Variants in BRSK2 observed in about 807,000 individuals in gnomAD.
The protein encoded by BRSK2 is BR serine/threonine kinase 2, also known as serine/threonine-protein kinase BRSK2.
Under a neutral mutation model 83.3 loss-of-function variants are expected in BRSK2, and 19 were observed. The ratio of observed to expected loss-of-function variants is 0.23; its 90% confidence interval spans 0.16 to 0.33. The LOEUF (loss-of-function observed/expected upper bound fraction) is 0.33. BRSK2 is among the 10% of genes least tolerant of loss of function. The pLI, the probability that BRSK2 is intolerant of heterozygous loss-of-function variation, is 1.00. For synonymous variants in BRSK2, 519 were observed against 435.4 expected (o/e 1.19, Z -2.39); for missense variants, 798 against 1,042.3 (o/e 0.77, Z 3.23).
At chr11:1,422,168 C>T (rs7114346) in intron 1 of BRSK2, among the ~76,000 whole-genome samples, 30,378 of 152,102 alleles carry the variant, frequency 0.2, 3,326 homozygotes, top group Non-Finnish European at 0.25. Context: ...GAGCCCCTCA[C>T]GGGAGCATGC....
At position 1,460,618 on chromosome 11, in the gene BRSK2, T is replaced by C. The variant is rs1230671997; in HGVS notation, c.2106T>C (p.Gly702=). ...AGCGGAGTGCCCACGGCCCACTCGG[T>C]GACTCCGCGGCCGCTGGCCCTGGCC... ...PAKRSAHGPL[G]DSAAAGPGPG... is the part of the protein sequence containing the mutation. The change falls in exon 20 of 20, where the codon GGT becomes GGC. Residue 702 remains glycine, a synonymous_variant. Coordinates refer to ENST00000528841, the MANE Select transcript of BRSK2 (RefSeq NM_001256627.2). 6.5e-7 allele frequency: 1 copy of C among 1,531,066 alleles called. No individual in the cohort carries two copies. The highest frequency in any genetic ancestry group is 1.2e-5 in the South Asian group (1 of 83,870). The allele number at this position is 1,531,066 out of a possible 1,614,324, so 94.8% of individuals were successfully genotyped here. A position where few individuals can be genotyped will look rare whatever the true frequency, so the allele number is the denominator to read the frequency against.
chr11:1,426,234 C>T (rs1009555946), intron 1 of BRSK2, among the ~76,000 whole-genome samples: 5 of 95,862 alleles, frequency 5.2e-5, no homozygotes, highest in Non-Finnish European at 1.1e-4. Flanking sequence ...GTGTGTGGGG[C>T]GTGCTCCGGG....
rs1390155185 is a variant in BRSK2 at position 1,460,709 on chromosome 11, C to T, written c.2197C>T (p.Arg733Cys). 58 of 1,461,114 alleles carry T rather than the reference C, an allele frequency of 4.0e-5. 1 individual carries two copies. The highest frequency in any genetic ancestry group is 4.5e-5 in the Non-Finnish European group (50 of 1,099,222). The allele number at this position is 1,461,114 out of a possible 1,614,324, so 90.5% of individuals were successfully genotyped here. A position where few individuals can be genotyped will look rare whatever the true frequency, so the allele number is the denominator to read the frequency against. Residue 733 changes from arginine (R) to cysteine (C), a missense_variant, in exon 20 of 20, where the codon CGC becomes TGC. Coordinates refer to ENST00000528841, the MANE Select transcript of BRSK2 (RefSeq NM_001256627.2). ...CAAGATGGGCCCGCCCACCGCCCGC[C>T]GCGAGCAGCCTTAGACACACTAGCC... ...TAKMGPPTAR[R>C]EQP
intron 1 of BRSK2, among the ~76,000 whole-genome samples, chr11:1,433,794 A>G (rs1849905910): frequency 6.6e-6 from 1 of 152,250 alleles, no homozygotes; most frequent in Non-Finnish European, 1.5e-5. Flanking sequence ...CTCTTCCTCC[A>G]TGAGCACACC....
At chr11:1,449,958 G>C (rs1297141842) in intron 13 of BRSK2, 122 bp downstream of exon 13, 3 of 664,002 alleles carry the variant, frequency 4.5e-6, no homozygotes, top group Non-Finnish European at 8.0e-6. Flanking sequence ...CGCCCCCCAT[G>C]CCCACGCTCC....
At chr11:1,391,592 G>A (rs1590276215) in intron 1 of BRSK2, among the ~76,000 whole-genome samples, 2 of 152,210 alleles carry the variant, frequency 1.3e-5, no homozygotes, top group African/African-American at 2.4e-5. Context: ...GCCACGGCAC[G>A]GAAGGGCCCC....
At chr11:1,422,814 A>G (rs1200985219) in intron 1 of BRSK2, among the ~76,000 whole-genome samples, 1 of 152,092 alleles carries the variant, frequency 6.6e-6, no homozygotes, top group African/African-American at 2.4e-5. Flanking sequence ...CCACTCCCCA[A>G]GCCAGGACCG....
chr11:1,435,967 C>A, intron 1 of BRSK2, 73 bp from the exon 2 acceptor site: 3 of 1,189,958 alleles, frequency 2.5e-6, no homozygotes, highest in South Asian at 1.4e-5. Flanking sequence ...AGGCCCCCAA[C>A]CTGCACTGTC....
chr11:1,457,356 G>A (rs1161808622), intron 18 of BRSK2, among the ~76,000 whole-genome samples: 2 of 152,334 alleles, frequency 1.3e-5, no homozygotes, highest in Non-Finnish European at 2.9e-5. Flanking sequence ...GCAGGGCAGA[G>A]GGGCTTGAGC....
At chr11:1,448,739 G>A (rs1852556835) in intron 12 of BRSK2, among the ~76,000 whole-genome samples, 2 of 152,356 alleles carry the variant, frequency 1.3e-5, no homozygotes, top group South Asian at 4.1e-4. Flanking sequence ...GACAGGCTGG[G>A]TTGTGCATGG....
At chr11:1,457,487 G>A (rs1846744847) in intron 18 of BRSK2, among the ~76,000 whole-genome samples, 1 of 152,178 alleles carries the variant, frequency 6.6e-6, no homozygotes, top group South Asian at 2.1e-4. Context: ...CGGCAGGGAG[G>A]GCTCCCCCCA....
chr11:1,411,383 G>A, intron 1 of BRSK2: 1 of 1,456,224 alleles, frequency 6.9e-7, no homozygotes, highest in Non-Finnish European at 9.0e-7. Context: ...GAGGGAGCCT[G>A]GTAGGGCACC....
chr11:1,443,692 G>T, intron 8 of BRSK2, 57 bp downstream of exon 8: 2 of 1,478,048 alleles, frequency 1.4e-6, no homozygotes, highest in East Asian at 2.5e-5. Flanking sequence ...GCGGGGGCGG[G>T]CGTGTGCCTG....
At chr11:1,448,491 T>C (rs1478649285) in intron 12 of BRSK2, among the ~76,000 whole-genome samples, 1 of 152,126 alleles carries the variant, frequency 6.6e-6, no homozygotes, top group Non-Finnish European at 1.5e-5. Flanking sequence ...CAACTGTAGC[T>C]CAGTGTTCCC....
rs1847361416 is a variant in BRSK2, at chr11:1,460,648, AGGGGACGCCGAGTACCCAAC to A, written c.2140_2159del (p.Asp714GlnfsTer106). The A allele has an allele frequency of 6.5e-7, 1 of 1,527,236 alleles. No homozygotes were observed. The highest frequency in any genetic ancestry group is 1.4e-5 in the African/African-American group (1 of 72,260). The allele number at this position is 1,527,236 out of a possible 1,614,324, so 94.6% of individuals were successfully genotyped here. The stretch of plus-strand genomic sequence containing the variant: ...CCGCGGCCGCTGGCCCTGGCCCCGG[AGGGGACGCCGAGTACCCAAC>A]GGGCAAGGACACGGCCAAGATGGGC... On this transcript the variant is annotated frameshift_variant, in exon 20 of 20. Transcript: ENST00000528841. LOFTEE classifies it high-confidence loss of function.
chr11:1,429,220 G>A (rs1849651115), intron 1 of BRSK2, among the ~76,000 whole-genome samples: 1 of 151,260 alleles, frequency 6.6e-6, no homozygotes, highest in Non-Finnish European at 1.5e-5. Context: ...CGCGGTGTGT[G>A]GGCGTGTGCC....
Position 1,445,450 on chromosome 11 carries a change from G to A in BRSK2, c.969G>A (p.Leu323=). 1.2e-6 allele frequency: 2 copies of A among 1,611,730 alleles called. No homozygotes were observed. Among genetic ancestry groups the A allele is most frequent in the South Asian group, 1.1e-5 (1 of 90,972 alleles). ...RDRNKLLQDL[L]SEEENQEKMI... ...GCAACAAGCTGCTGCAGGACCTGCTGTCCGAGGAGTGCGTCTGGGGCTGCT... is the reference window on the plus strand; with the variant it reads ...GCAACAAGCTGCTGCAGGACCTGCTATCCGAGGAGTGCGTCTGGGGCTGCT... The change falls in exon 10 of 20, where the codon CTG becomes CTA. Residue 323 remains leucine, a synonymous_variant. Transcript: ENST00000528841.
At chr11:1,445,268 G>C in intron 9 of BRSK2, 26 bp from the exon 10 acceptor site, 1 of 1,586,262 alleles carries the variant, frequency 6.3e-7, no homozygotes, top group Non-Finnish European at 8.6e-7. Context: ...GAGCTGATGA[G>C]CGGGTGGCCC....
At position 1,450,675 on chromosome 11, in the gene BRSK2, C is replaced by T. The variant is rs544618758; in HGVS notation, c.1376C>T (p.Thr459Met). 13 of 1,609,178 alleles carry T rather than the reference C, an allele frequency of 8.1e-6. No individual in the cohort carries two copies. Among genetic ancestry groups the T allele is most frequent in the South Asian group, 4.4e-5 (4 of 90,650 alleles). The change falls in exon 14 of 20, where the codon ACG becomes ATG. Residue 459 changes from threonine to methionine, a missense_variant. Physicochemically the swap from Thr to Met is moderately conservative, Grantham distance 81 (BLOSUM62 -1). Coordinates refer to ENST00000528841, the MANE Select transcript of BRSK2 (RefSeq NM_001256627.2). Reference protein sequence around the residue: ...VHTPKESPAGTPNPTPPSSPS... With the variant: ...VHTPKESPAGMPNPTPPSSPS... ...ACGCCAAAGGAGAGCCCGGCTGGCA[C>T]GCCCAACCCCACGCCCCCGTCCAGC... is the stretch of plus-strand genomic sequence containing the variant.
Sources: allele counts gnomAD v4.1 joint callset (sites outside exome capture counted in the v4.1 genomes callset), GRCh38; gene constraint gnomAD v4.1.1; transcripts MANE v1.5; gene names NCBI Gene and HGNC (gene_info 2026-07-23, HGNC 2026-07-21).